The following TOPAZ1 variants were observed in gnomAD, a reference collection of about 807,000 sequenced individuals.
TOPAZ1 encodes protein TOPAZ1.
TOPAZ1 carries 66 observed loss-of-function variants against 172.2 expected under a neutral mutation model. That is an observed-to-expected ratio of 0.38 (90% confidence interval 0.31 to 0.47). The LOEUF is 0.47. Ranked by LOEUF, TOPAZ1 falls within the 20% of genes least tolerant of loss-of-function variation. The pLI, the probability that TOPAZ1 is intolerant of heterozygous loss-of-function variation, is 0.99. For missense variants in TOPAZ1, 1,822 were observed against 1,972.4 expected, an observed-to-expected ratio of 0.92 and a Z score of 1.44; for synonymous variants, 681 against 683.9, an observed-to-expected ratio of 1.00 and a Z score of 0.07.
intron 19 of TOPAZ1, among the ~76,000 whole-genome samples, chr3:44,329,775 A>G (rs985200384): frequency 6.6e-6 from 1 of 152,210 alleles, no homozygotes; most frequent in Admixed American, 6.5e-5. Context: ...GTAACAGGAG[A>G]GGAGTACCCA....
chr3:44,314,470 G>A (rs1559546920), intron 16 of TOPAZ1, among the ~76,000 whole-genome samples: 1 of 152,026 alleles, frequency 6.6e-6, no homozygotes, highest in Non-Finnish European at 1.5e-5. Flanking sequence ...GGACGCTGAG[G>A]TTCAGAGAAG....
chr3:44,273,439 C>T (rs565495265), intron 8 of TOPAZ1, among the ~76,000 whole-genome samples: 21 of 152,286 alleles, frequency 1.4e-4, no homozygotes, highest in Non-Finnish European at 2.9e-4. Flanking sequence ...CTCTTTTCCT[C>T]TTTACACTAT....
chr3:44,248,662 T>G (rs1343111608), intron 2 of TOPAZ1, among the ~76,000 whole-genome samples: 2 of 152,212 alleles, frequency 1.3e-5, no homozygotes, highest in African/African-American at 4.8e-5. Context: ...TATGTCCCTT[T>G]TACCAGTCAG....
At chr3:44,298,476 A>G (rs1430513493) in intron 12 of TOPAZ1, among the ~76,000 whole-genome samples, 1 of 152,148 alleles carries the variant, frequency 6.6e-6, no homozygotes, top group Non-Finnish European at 1.5e-5. Context: ...AAACAAGAAT[A>G]GGGTAAAGTA....
chr3:44,295,800 T>G (rs1418165249), intron 12 of TOPAZ1, among the ~76,000 whole-genome samples: 1 of 152,260 alleles, frequency 6.6e-6, no homozygotes, highest in East Asian at 1.9e-4. Flanking sequence ...TCAATATCCC[T>G]CTCTCAATAA....
At chr3:44,303,190 T>G (rs923819105) in intron 12 of TOPAZ1, among the ~76,000 whole-genome samples, 2 of 150,804 alleles carry the variant, frequency 1.3e-5, no homozygotes, top group Non-Finnish European at 3.0e-5. Flanking sequence ...TAGAAAATTG[T>G]TTTTTTTTCT....
intron 8 of TOPAZ1, among the ~76,000 whole-genome samples, chr3:44,278,868 A>T (rs562976463): frequency 4.6e-5 from 6 of 130,432 alleles, no homozygotes; most frequent in Admixed American, 7.5e-5. Context: ...CTTTCCTTCT[A>T]CTAGTTTTGG....
downstream of TOPAZ1, among the ~76,000 whole-genome samples, chr3:44,334,439 T>A (rs995937034): frequency 1.3e-5 from 2 of 152,002 alleles, no homozygotes; most frequent in Non-Finnish European, 2.9e-5. Context: ...TCATGAAGGG[T>A]TATGAAAAAC....
At chr3:44,310,073 T>C (rs1191129013) in intron 16 of TOPAZ1, 83 bp downstream of exon 16, 2 of 1,277,984 alleles carry the variant, frequency 1.6e-6, no homozygotes, top group Non-Finnish European at 2.1e-6. Context: ...TAAGTTGATA[T>C]TGAACTGTGG....
rs897875922 is a variant in TOPAZ1, at chr3:44,242,134, G to C, written c.81G>C (p.Ala27=). Residue 27 remains alanine, a synonymous_variant, in exon 1 of 20, where the codon GCG becomes GCC. Transcript: ENST00000309765. ...GNVRNLQKRQ[A]PGPGAAGGCG... is the part of the protein sequence containing the mutation. Reference sequence around the variant, plus strand: ...TGCGAAACCTGCAGAAGCGGCAGGCGCCAGGGCCAGGCGCGGCGGGAGGCT... The same window carrying C: ...TGCGAAACCTGCAGAAGCGGCAGGCCCCAGGGCCAGGCGCGGCGGGAGGCT... 9.7e-6 allele frequency: 15 copies of C among 1,548,994 alleles called. No individual in the cohort carries two copies. The highest frequency in any genetic ancestry group is 1.3e-5 in the Non-Finnish European group (15 of 1,146,516).
Position 44,241,939 on chromosome 3 carries a change from C to G in TOPAZ1, c.-115C>G. 1.0e-6 allele frequency: 1 copy of G among 956,818 alleles called. No homozygotes were observed. Among genetic ancestry groups the G allele is most frequent in the Non-Finnish European group, 1.5e-6 (1 of 659,734 alleles). The allele number at this position is 956,818 out of a possible 1,614,324, so 59.3% of individuals were successfully genotyped here. Reference sequence around the variant, plus strand: ...TCCGGCCCCGGGCTGTGGTGACTGGCGGTGTGGGGTGGGTCAGAGGGCAGT... The same window carrying G: ...TCCGGCCCCGGGCTGTGGTGACTGGGGGTGTGGGGTGGGTCAGAGGGCAGT... On this transcript the variant is annotated 5_prime_UTR_variant, in exon 1 of 20. Transcript: ENST00000309765.
Position 44,244,190 on chromosome 3 carries a change from A to G in TOPAZ1, c.1684A>G (p.Lys562Glu), listed in dbSNP as rs764910039. Residue 562 changes from lysine to glutamate, a missense_variant, in exon 2 of 20, where the codon AAA (lysine) becomes GAA (glutamate). By Grantham distance (56) the Lys-to-Glu change is moderately conservative (BLOSUM62 1). Coordinates refer to ENST00000309765, the MANE Select transcript of TOPAZ1 (RefSeq NM_001145030.2). ...AGAAACAAACACTGAATCTTCAAGTAAAGAAAAATTAGATTCTAATTCTAA... is the reference window on the plus strand; with the variant it reads ...AGAAACAAACACTGAATCTTCAAGTGAAGAAAAATTAGATTCTAATTCTAA... ...LTETNTESSS[K>E]EKLDSNSNCL... 14 of 1,550,468 alleles carry G rather than the reference A, an allele frequency of 9.0e-6. No individual in the cohort carries two copies. The highest frequency in any genetic ancestry group is 2.6e-6 in the Non-Finnish European group (3 of 1,146,360).
chr3:44,303,474 G>C (rs1185221572), intron 12 of TOPAZ1, among the ~76,000 whole-genome samples: 5 of 109,386 alleles, frequency 4.6e-5, no homozygotes, highest in Non-Finnish European at 8.8e-5. Flanking sequence ...CCAGATGCTT[G>C]CTTGCTTTTT....
chr3:44,331,330 A>G (rs1700665967), intron 19 of TOPAZ1, among the ~76,000 whole-genome samples: 1 of 48,296 alleles, frequency 2.1e-5, no homozygotes, highest in South Asian at 7.3e-4. Flanking sequence ...GGGCCATAAT[A>G]TGTCTTTTTT....
chr3:44,324,661 A>G (rs1170259793), intron 18 of TOPAZ1, among the ~76,000 whole-genome samples: 1 of 152,222 alleles, frequency 6.6e-6, no homozygotes, highest in Non-Finnish European at 1.5e-5. Context: ...TTATAGAAGT[A>G]TAATTCAAAT....
rs552720547 is a variant in TOPAZ1, at chr3:44,293,666, G to A, written c.3797+2780G>A. ...GGTGTTGTTACAAAAGAGTCAAAAA[G>A]TTTGTAAAGTTACAGTAAGTTAAAA... On this transcript the variant is annotated intron_variant, in intron 12 of 19. Transcript: ENST00000309765. Among the ~76,000 whole-genome samples the A allele has an allele frequency of 3.3e-5, 5 of 152,278 alleles. No homozygotes were observed. The South Asian group carries it at 1.0e-3, about 32-fold the overall frequency.
chr3:44,302,225 A>C (rs1700280161), intron 12 of TOPAZ1, among the ~76,000 whole-genome samples: 1 of 152,162 alleles, frequency 6.6e-6, no homozygotes, highest in Non-Finnish European at 1.5e-5. Context: ...TCTGGCTAAC[A>C]TGGTGAAGCC....
chr3:44,330,556 G>A (rs1461311961), intron 19 of TOPAZ1, among the ~76,000 whole-genome samples: 1 of 152,172 alleles, frequency 6.6e-6, no homozygotes, highest in Non-Finnish European at 1.5e-5. Context: ...TTCAAAGCTA[G>A]AATGTACTAG....
At chr3:44,280,382 C>T (rs1334418624) in intron 8 of TOPAZ1, among the ~76,000 whole-genome samples, 1 of 146,294 alleles carries the variant, frequency 6.8e-6, no homozygotes, top group East Asian at 2.0e-4. Context: ...CCGGGTCTTT[C>T]TCTGTTGCCC....
Sources: allele counts gnomAD v4.1 joint callset (sites outside exome capture counted in the v4.1 genomes callset), GRCh38; gene constraint gnomAD v4.1.1; transcripts MANE v1.5; gene names NCBI Gene and HGNC (gene_info 2026-07-23, HGNC 2026-07-21).